PKN3: variants seen among roughly 807,000 people sequenced by gnomAD.
PKN3 encodes protein kinase N3.
Under a neutral mutation model 113.1 loss-of-function variants are expected in PKN3, and 91 were observed. The observed-to-expected ratio is 0.80, with a 90% CI of 0.68 to 0.96. PKN3 has a LOEUF of 0.96. Ranked by LOEUF, PKN3 falls within the 40% of genes least tolerant of loss-of-function variation. The probability of loss-of-function intolerance (pLI) is 0.00; values close to 1 mark genes in which losing one functional copy is unlikely to be tolerated. For missense variants in PKN3, 1,052 were observed against 1,202.2 expected, an observed-to-expected ratio of 0.88 and a Z score of 1.85; for synonymous variants, 467 against 499.0, an observed-to-expected ratio of 0.94 and a Z score of 0.85.
At chr9:128,710,933 C>T (rs1862155762) in intron 6 of PKN3, among the ~76,000 whole-genome samples, 1 of 152,156 alleles carries the variant, frequency 6.6e-6, no homozygotes, top group South Asian at 2.1e-4. Context: ...AAGGCCACCC[C>T]ATATCCTGTC....
intron 18 of PKN3, among the ~76,000 whole-genome samples, chr9:128,719,392 T>C (rs1190207275): frequency 6.6e-6 from 1 of 151,906 alleles, no homozygotes; most frequent in Non-Finnish European, 1.5e-5. Flanking sequence ...GGTTTCACCA[T>C]GTTGGCCAGG....
intron 6 of PKN3, among the ~76,000 whole-genome samples, chr9:128,708,620 G>A (rs891358458): frequency 3.9e-5 from 6 of 151,948 alleles, no homozygotes; most frequent in South Asian, 2.1e-4. Flanking sequence ...TGAGGTGGAC[G>A]AATCATTTGA....
chr9:128,709,480 G>A (rs906029892), intron 6 of PKN3, among the ~76,000 whole-genome samples: 24 of 150,452 alleles, frequency 1.6e-4, no homozygotes, highest in South Asian at 2.1e-4. Context: ...GGCTGGGCAC[G>A]GCAGCTCATG....
At position 128,714,122 on chromosome 9, in the gene PKN3, G is replaced by T. The variant is rs766966066; in HGVS notation, c.1312+1G>T. 1 of 1,614,124 alleles carries T rather than the reference G, an allele frequency of 6.2e-7. No individual in the cohort carries two copies. Among genetic ancestry groups the T allele is most frequent in the Non-Finnish European group, 8.5e-7 (1 of 1,179,984 alleles). The stretch of plus-strand genomic sequence containing the variant: ...GAACGCATCTTCTCTAAACGCAGAG[G>T]TGTGGAGGGAATGGGGGCTATGTGT... On this transcript the variant is annotated splice_donor_variant, in intron 10 of 21. Coordinates refer to ENST00000291906, the MANE Select transcript of PKN3 (RefSeq NM_013355.5). LOFTEE classifies it high-confidence loss of function.
intron 15 of PKN3, among the ~76,000 whole-genome samples, chr9:128,716,333 C>T (rs1233605301): frequency 6.7e-6 from 1 of 149,114 alleles, no homozygotes; most frequent in African/African-American, 2.5e-5. Context: ...CGCACTGGCT[C>T]ACACTTGTAA....
In PKN3 at chr9:128,707,334, G is replaced by A. The variant is rs536513523; in HGVS notation, c.764G>A (p.Arg255Gln). Residue 255 changes from arginine (R) to glutamine (Q), a missense_variant, in exon 6 of 22, where the codon CGA becomes CAA. Arg to Gln is a conservative substitution (Grantham distance 43). Coordinates refer to ENST00000291906, the MANE Select transcript of PKN3 (RefSeq NM_013355.5). ...PAHPLRSRVT[R>Q]ELRAAVPGYP... ...CACCCTTTGCGCAGCAGAGTGACCC[G>A]AGAGTTGCGGGCTGCGGTGCCTGGA... 2.0e-5 allele frequency: 32 copies of A among 1,613,892 alleles called. No individual in the cohort carries two copies. The highest frequency in any genetic ancestry group is 2.4e-5 in the Non-Finnish European group (28 of 1,179,972).
In PKN3 at chr9:128,719,672, C is replaced by G. The variant is rs202031520; in HGVS notation, c.2126-14C>G. 3.6e-5 allele frequency: 55 copies of G among 1,532,528 alleles called. 1 individual carries two copies. In the East Asian group the frequency reaches 8.1e-4, roughly 23 times the overall value. 94.9% of individuals were successfully genotyped at this position (1,532,528 alleles called of 1,614,324 possible). On this transcript the variant is annotated splice_polypyrimidine_tract_variant and intron_variant, in intron 18 of 21. Coordinates refer to ENST00000291906, the MANE Select transcript of PKN3 (RefSeq NM_013355.5). The stretch of plus-strand genomic sequence containing the variant: ...CCACACCAAGCAGCTATTGGTGTGC[C>G]TGTTGGTTTGCAGGGATCGGCTTCG...
intron 18 of PKN3, among the ~76,000 whole-genome samples, chr9:128,718,998 C>T (rs372629315): frequency 3.4e-5 from 5 of 148,508 alleles, no homozygotes; most frequent in Admixed American, 6.9e-5. Context: ...TGGGTTCAAG[C>T]GATTCTCTTG....
Position 128,719,778 on chromosome 9 carries a change from G to A in PKN3, c.2218G>A (p.Val740Met), listed in dbSNP as rs773519002. Residue 740 changes from valine to methionine, a missense_variant, in exon 19 of 22, where the codon GTG (valine) becomes ATG (methionine). Val to Met is a conservative substitution (Grantham distance 21). This residue lies in a region of PKN3 where 333 missense variants were observed against 442.8 expected (regional missense o/e 0.75). Coordinates refer to ENST00000291906, the MANE Select transcript of PKN3 (RefSeq NM_013355.5). ...GACCCAGGAGGCATACACACGGGCTGTGGACTGGTGGGGGCTGGGTGTGCT... is the reference window on the plus strand; with the variant it reads ...GACCCAGGAGGCATACACACGGGCTATGGACTGGTGGGGGCTGGGTGTGCT... The part of the protein sequence containing the change: ...VLTQEAYTRA[V>M]DWWGLGVLLY... 2 of 1,607,742 alleles carry A rather than the reference G, an allele frequency of 1.2e-6. No individual in the cohort carries two copies. Among genetic ancestry groups the A allele is most frequent in the East Asian group, 2.2e-5 (1 of 44,786 alleles).
At position 128,715,610 on chromosome 9, in the gene PKN3, T is replaced by A; in HGVS notation, c.1808+150T>A. The A allele has an allele frequency of 1.6e-6, 1 of 619,232 alleles. No homozygotes were observed. The highest frequency in any genetic ancestry group is 2.9e-6 in the Non-Finnish European group (1 of 347,992). The allele number at this position is 619,232 out of a possible 1,614,324, so 38.4% of individuals were successfully genotyped here. ...TTGGCACCTGCAGTTGTTAACTGTGTTTCCTTGGGCAGGTCCCCTCTTCTC... is the reference window on the plus strand; with the variant it reads ...TTGGCACCTGCAGTTGTTAACTGTGATTCCTTGGGCAGGTCCCCTCTTCTC... On this transcript the variant is annotated intron_variant, in intron 15 of 21. Transcript: ENST00000291906. The surrounding 1 kb of genome is among the most constrained non-coding windows in gnomAD (Gnocchi z 4.1).
intron 6 of PKN3, among the ~76,000 whole-genome samples, chr9:128,708,988 C>T (rs1234505887): frequency 1.3e-5 from 2 of 149,166 alleles, no homozygotes; most frequent in Non-Finnish European, 1.5e-5. Flanking sequence ...TCCATCTCTA[C>T]AAAAAATACA....
rs369790653 is a variant in PKN3, at chr9:128,707,436, C to G, written c.835+31C>G. The G allele has an allele frequency of 7.1e-5, 111 of 1,560,052 alleles. 1 individual carries two copies. Among genetic ancestry groups the G allele is most frequent in the Non-Finnish European group, 8.5e-5 (98 of 1,147,246 alleles). On this transcript the variant is annotated intron_variant, in intron 6 of 21. Coordinates refer to ENST00000291906, the MANE Select transcript of PKN3 (RefSeq NM_013355.5). ...CAGAAGTTCCTCCCCCTTCAAAGCT[C>G]TCCTTCTTTTTGGGGGGAGGCCGGA... is the stretch of plus-strand genomic sequence containing the variant.
At chr9:128,703,147 A>C (rs552603966) in intron 1 of PKN3, among the ~76,000 whole-genome samples, 16 of 152,230 alleles carry the variant, frequency 1.1e-4, no homozygotes, top group Admixed American at 8.5e-4. Flanking sequence ...CACAGTCTCC[A>C]AATCAGTCCG....
chr9:128,705,481 A>G lies in PKN3; in HGVS notation c.203A>G (p.His68Arg), dbSNP rs1448592506. Residue 68 changes from histidine (H) to arginine (R), a missense_variant, in exon 2 of 22, where the codon CAT (histidine) becomes CGT (arginine). Coordinates refer to ENST00000291906, the MANE Select transcript of PKN3 (RefSeq NM_013355.5). Reference sequence around the variant, plus strand: ...TCCAACCGCCGCCTGGAGCAGCTGCATGGCGAGCTGCGGGAGCTGCACGCC... The same window carrying G: ...TCCAACCGCCGCCTGGAGCAGCTGCGTGGCGAGCTGCGGGAGCTGCACGCC... ...RSSNRRLEQL[H>R]GELRELHARI... The G allele has an allele frequency of 6.4e-7, 1 of 1,564,990 alleles. No individual in the cohort carries two copies.
intron 18 of PKN3, among the ~76,000 whole-genome samples, chr9:128,719,282 A>G (rs1418072205): frequency 1.3e-5 from 2 of 150,942 alleles, no homozygotes; most frequent in Non-Finnish European, 2.9e-5. Context: ...CTCTGCCTCC[A>G]AGGTTCAAGA....
intron 3 of PKN3, among the ~76,000 whole-genome samples, 193 bp downstream of exon 3, chr9:128,706,072 G>A (rs1054467556): frequency 2.0e-5 from 3 of 152,250 alleles, no homozygotes; most frequent in Non-Finnish European, 4.4e-5. Context: ...CCTTGCCCTG[G>A]TCTAATGGGA....
chr9:128,708,871 G>C (rs1172573875), intron 6 of PKN3, among the ~76,000 whole-genome samples: 1 of 151,616 alleles, frequency 6.6e-6, no homozygotes, highest in Non-Finnish European at 1.5e-5. Flanking sequence ...GAGTTTTCTG[G>C]TCTGGCTCAG....
At position 128,713,350 on chromosome 9, in the gene PKN3, A is replaced by T. The variant is rs145409935; in HGVS notation, c.1055A>T (p.Gln352Leu). Residue 352 changes from glutamine to leucine, a missense_variant, in exon 8 of 22, where the codon CAG (glutamine) becomes CTG (leucine). Gln to Leu is a moderately radical substitution (Grantham distance 113). Coordinates refer to ENST00000291906, the MANE Select transcript of PKN3 (RefSeq NM_013355.5). ...ACGGGCTGGGGGCAGGTGGCCGAAC[A>T]GTCCTGGGACCAGACCTTTGTCATC... ...GQTGWGQVAE[Q>L]SWDQTFVIPL... The T allele has an allele frequency of 1.2e-6, 2 of 1,614,004 alleles. No homozygotes were observed. The highest frequency in any genetic ancestry group is 8.5e-7 in the Non-Finnish European group (1 of 1,180,024).
At position 128,706,710 on chromosome 9, in the gene PKN3, T is replaced by C. The variant is rs537932181; in HGVS notation, c.412-3T>C. 1.9e-6 allele frequency: 3 copies of C among 1,561,910 alleles called. No homozygotes were observed. Among genetic ancestry groups the C allele is most frequent in the South Asian group, 1.2e-5 (1 of 83,272 alleles). ...CTGATGGGCCTGTGCTATGGCTCCA[T>C]AGGAGAGGAAGCTCCTGGCAGCTGC... On this transcript the variant is annotated splice_polypyrimidine_tract_variant and splice_region_variant and intron_variant, in intron 3 of 21. Coordinates refer to ENST00000291906, the MANE Select transcript of PKN3 (RefSeq NM_013355.5).
Sources: gnomAD v4.1 joint callset for allele counts (sites outside exome capture counted in the v4.1 genomes callset) on GRCh38, gnomAD v4.1.1 for gene constraint, gnomAD v4.1.1 regional missense constraint, Gnocchi (gnomAD v3.1) non-coding constraint, MANE v1.5 for transcripts, NCBI Gene and HGNC (gene_info 2026-07-23, HGNC 2026-07-21) for gene names.